Variants in ZFHX3 observed in about 807,000 individuals in gnomAD.
ZFHX3 encodes zinc finger homeobox 3, also known as zinc finger homeobox protein 3.
A neutral mutation model predicts 279.1 loss-of-function variants in ZFHX3; 42 were observed. The ratio of observed to expected loss-of-function variants is 0.15; its 90% CI spans 0.12 to 0.19. The LOEUF (loss-of-function observed/expected upper bound fraction) is 0.19. Ranked by LOEUF, ZFHX3 falls within the 10% of genes least tolerant of loss-of-function variation. The pLI is 1.00. For missense variants in ZFHX3, 4,981 were observed against 4,754.0 expected (o/e 1.05, Z -1.40); for synonymous variants, 2,293 against 1,957.8 (o/e 1.17, Z -4.52).
intron 1 of ZFHX3, among the ~76,000 whole-genome samples, chr16:73,693,869 A>G (rs1271063266): frequency 2.0e-5 from 3 of 152,180 alleles, no homozygotes; most frequent in African/African-American, 7.2e-5. Flanking sequence ...AACACCTACA[A>G]ATGGCTCTCG....
intron 4 of ZFHX3, among the ~76,000 whole-genome samples, chr16:72,838,740 G>C (rs991820062): frequency 6.6e-6 from 1 of 152,220 alleles, no homozygotes; most frequent in African/African-American, 2.4e-5. Flanking sequence ...GAAACGCCTA[G>C]AGCCAGTATT....
intron 4 of ZFHX3, among the ~76,000 whole-genome samples, chr16:72,834,365 CCTGA>C (rs1298285272): frequency 1.3e-5 from 2 of 152,232 alleles, no homozygotes; most frequent in Admixed American, 6.5e-5. Flanking sequence ...ACTCAGGCTT[CCTGA>C]CTAAGTGCAG....
intron 3 of ZFHX3, among the ~76,000 whole-genome samples, chr16:72,934,394 T>C (rs1331654962): frequency 6.6e-6 from 1 of 152,124 alleles, no homozygotes; most frequent in Non-Finnish European, 1.5e-5. Context: ...CACCATTGCA[T>C]TCCTGCCTGG....
intron 1 of ZFHX3, among the ~76,000 whole-genome samples, chr16:73,766,685 A>C (rs553061849): frequency 6.6e-6 from 1 of 152,186 alleles, no homozygotes; most frequent in South Asian, 2.1e-4. Flanking sequence ...TGGAAACATA[A>C]CAGTCAGTCC....
At chr16:73,197,327 A>C (rs1968172887) in intron 5 of ZFHX3, among the ~76,000 whole-genome samples, 1 of 152,136 alleles carries the variant, frequency 6.6e-6, no homozygotes. Context: ...TATCCACGGC[A>C]TGAGAGCGTG....
chr16:73,844,445 T>C (rs1961391997), intron 1 of ZFHX3, among the ~76,000 whole-genome samples: 1 of 152,076 alleles, frequency 6.6e-6, no homozygotes, highest in African/African-American at 2.4e-5. Context: ...AATGAAGACA[T>C]TGAAGGCCAA....
chr16:73,176,387 G>A (rs1967664669), intron 5 of ZFHX3, among the ~76,000 whole-genome samples: 1 of 152,180 alleles, frequency 6.6e-6, no homozygotes, highest in Non-Finnish European at 1.5e-5. Flanking sequence ...AGGAAGTCAA[G>A]TGCAGGTGAA....
At chr16:73,833,117 C>T (rs1961043604) in intron 1 of ZFHX3, among the ~76,000 whole-genome samples, 1 of 152,268 alleles carries the variant, frequency 6.6e-6, no homozygotes, top group Admixed American at 6.5e-5. Context: ...AATCCCAGCA[C>T]TTTGAGAGGC....
Position 72,794,337 on chromosome 16 carries a change from C to A in ZFHX3, c.8345G>T (p.Gly2782Val), listed in dbSNP as rs1219589765. The A allele has an allele frequency of 6.2e-7, 1 of 1,604,094 alleles. No individual in the cohort carries two copies. The highest frequency in any genetic ancestry group is 1.1e-5 in the South Asian group (1 of 89,202). The change falls in exon 9 of 10, where the codon GGT (glycine) becomes GTT (valine). Residue 2782 changes from glycine (G) to valine (V), a missense_variant. Transcript: ENST00000268489. The surrounding 1 kb of genome is among the most constrained non-coding windows in gnomAD (Gnocchi z 4.2). The stretch of plus-strand genomic sequence containing the variant: ...TTTACTCACAGGTGAGAGGGGGACA[C>A]CCTGACCATCACTACTGCTTGGGGG... ...HLPPSSSDGQGVPLSPVSKTM... is the reference protein window; with the variant it reads ...HLPPSSSDGQVVPLSPVSKTM...
intron 7 of ZFHX3, among the ~76,000 whole-genome samples, chr16:72,801,870 C>T (rs2036111754): frequency 6.6e-6 from 1 of 151,332 alleles, no homozygotes; most frequent in Admixed American, 6.6e-5. Context: ...AATTTGTAGT[C>T]CTCAGCTGAG....
chr16:73,364,858 G>C (rs1043795512), intron 3 of ZFHX3, among the ~76,000 whole-genome samples: 4 of 152,194 alleles, frequency 2.6e-5, no homozygotes, highest in African/African-American at 9.6e-5. Flanking sequence ...TGGGACAAGA[G>C]ATCATGGATT....
At chr16:73,757,461 C>T (rs999806063) in intron 1 of ZFHX3, among the ~76,000 whole-genome samples, 3 of 152,162 alleles carry the variant, frequency 2.0e-5, no homozygotes, top group African/African-American at 7.2e-5. Context: ...TCAGTTTTTT[C>T]GTCTATGAAA....
chr16:73,102,556 T>G (rs149654249), intron 7 of ZFHX3, among the ~76,000 whole-genome samples: 5 of 152,212 alleles, frequency 3.3e-5, no homozygotes, highest in Admixed American at 6.5e-5. Flanking sequence ...TGTGTATAGA[T>G]TTTTGACCTT....
At chr16:73,401,354 CAAA>C in intron 3 of ZFHX3, 1 of 107,000 alleles carries the variant, frequency 9.3e-6, no homozygotes, top group South Asian at 3.0e-4. Flanking sequence ...ACATTTAAAA[CAAA>C]AAACAAAAAA....
At chr16:73,089,316 C>T (rs1797685436) in intron 8 of ZFHX3, among the ~76,000 whole-genome samples, 1 of 152,156 alleles carries the variant, frequency 6.6e-6, no homozygotes, top group Admixed American at 6.5e-5. Context: ...GTTGGCCAGG[C>T]TGGCCTCAAA....
At chr16:73,654,454 C>T (rs1020991362) in intron 2 of ZFHX3, among the ~76,000 whole-genome samples, 5 of 152,042 alleles carry the variant, frequency 3.3e-5, no homozygotes, top group South Asian at 2.1e-4. Flanking sequence ...AGCTCTTCTT[C>T]AGTTCTTTTT....
At chr16:73,373,472 G>A (rs1480598486) in intron 3 of ZFHX3, among the ~76,000 whole-genome samples, 1 of 152,122 alleles carries the variant, frequency 6.6e-6, no homozygotes, top group East Asian at 1.9e-4. Context: ...TTCCTTCAGG[G>A]GTGACCCCAA....
chr16:72,927,512 A>G (rs1959520867), intron 3 of ZFHX3, among the ~76,000 whole-genome samples: 1 of 152,184 alleles, frequency 6.6e-6, no homozygotes, highest in Non-Finnish European at 1.5e-5. Flanking sequence ...CACACCTCAC[A>G]AAAGGAGGAT....
chr16:73,680,216 T>C (rs950954577), exon 2 of ZFHX3: 4 of 152,040 alleles, frequency 2.6e-5, no homozygotes, highest in Admixed American at 2.6e-4. Flanking sequence ...TTCTTTTGGT[T>C]TCAGAATTCA....
Sources: gnomAD v4.1 joint callset for allele counts (sites outside exome capture counted in the v4.1 genomes callset) on GRCh38, gnomAD v4.1.1 for gene constraint, Gnocchi (gnomAD v3.1) non-coding constraint, MANE v1.5 for transcripts, NCBI Gene and HGNC (gene_info 2026-07-23, HGNC 2026-07-21) for gene names.